MGAT4C: variants seen among roughly 807,000 people sequenced by gnomAD.
MGAT4C encodes alpha-1,3-mannosyl-glycoprotein 4-beta-N-acetylglucosaminyltransferase C.
A neutral mutation model predicts 40.1 loss-of-function variants in MGAT4C; 19 were observed. The ratio of observed to expected loss-of-function variants is 0.47; its 90% CI spans 0.33 to 0.70. The LOEUF (loss-of-function observed/expected upper bound fraction) is 0.70, where lower values mean the gene tolerates loss of function less well. Ranked by LOEUF, MGAT4C falls within the 30% of genes least tolerant of loss-of-function variation. The pLI, the probability that MGAT4C is intolerant of heterozygous loss-of-function variation, is 0.02. For synonymous variants in MGAT4C, 181 were observed against 187.1 expected (o/e 0.97, Z 0.27); for missense variants, 491 against 563.2 (o/e 0.87, Z 1.30).
intron 2 of MGAT4C, among the ~76,000 whole-genome samples, chr12:86,542,117 T>G (rs1959171289): frequency 6.6e-6 from 1 of 152,152 alleles, no homozygotes; most frequent in Admixed American, 6.6e-5. Flanking sequence ...ATGTTACACA[T>G]GAAAACTTGT....
At chr12:86,765,965 A>T (rs1951499673) in intron 1 of MGAT4C, among the ~76,000 whole-genome samples, 1 of 152,188 alleles carries the variant, frequency 6.6e-6, no homozygotes. Context: ...TCAACTAATG[A>T]GTAAAATAAC....
chr12:86,170,334 C>T (rs1233021452), intron 1 of MGAT4C, among the ~76,000 whole-genome samples: 1 of 152,132 alleles, frequency 6.6e-6, no homozygotes, highest in Non-Finnish European at 1.5e-5. Flanking sequence ...AGGATCATGT[C>T]ATTTGAAACT....
chr12:86,087,359 G>A (rs752374344), intron 1 of MGAT4C, among the ~76,000 whole-genome samples: 1 of 151,376 alleles, frequency 6.6e-6, no homozygotes, highest in African/African-American at 2.4e-5. Flanking sequence ...AATATTCTTG[G>A]ATTTCTTTAT....
chr12:86,131,203 A>T (rs965179498), intron 1 of MGAT4C, among the ~76,000 whole-genome samples: 1 of 152,082 alleles, frequency 6.6e-6, no homozygotes, highest in Non-Finnish European at 1.5e-5. Context: ...AATAATATCT[A>T]TCTCTTAGTC....
At chr12:86,112,229 T>C (rs1367516459) in intron 1 of MGAT4C, among the ~76,000 whole-genome samples, 1 of 151,808 alleles carries the variant, frequency 6.6e-6, no homozygotes, top group Non-Finnish European at 1.5e-5. Context: ...CTATCACCTT[T>C]AGAGGGTGGA....
chr12:86,185,051 C>T (rs986485827), intron 1 of MGAT4C, among the ~76,000 whole-genome samples: 3 of 152,136 alleles, frequency 2.0e-5, no homozygotes, highest in African/African-American at 7.2e-5. Flanking sequence ...GCCAGCTTCC[C>T]CTGCTCAGCT....
intron 2 of MGAT4C, among the ~76,000 whole-genome samples, chr12:86,683,900 A>C (rs1950026271): frequency 6.6e-6 from 1 of 152,202 alleles, no homozygotes; most frequent in East Asian, 1.9e-4. Flanking sequence ...TCTAATTTCA[A>C]CATGCTCTTG....
At chr12:86,162,614 C>T (rs1208404360) in intron 1 of MGAT4C, among the ~76,000 whole-genome samples, 1 of 152,084 alleles carries the variant, frequency 6.6e-6, no homozygotes, top group South Asian at 2.1e-4. Context: ...CAAATCTATA[C>T]ATGTACTCCC....
chr12:86,224,806 G>T (rs1335835501), intron 1 of MGAT4C, among the ~76,000 whole-genome samples: 1 of 152,134 alleles, frequency 6.6e-6, no homozygotes, highest in Non-Finnish European at 1.5e-5. Context: ...AGAGGAAAGT[G>T]TATAGCAATA....
chr12:86,326,999 T>A (rs930680721), intron 4 of MGAT4C, among the ~76,000 whole-genome samples: 6 of 152,110 alleles, frequency 3.9e-5, no homozygotes, highest in Non-Finnish European at 8.8e-5. Flanking sequence ...AGATGGCTCA[T>A]CCACCCTTTC....
rs970231468 is a variant in MGAT4C, at chr12:85,978,639, C to T, written c.*650G>A. The T allele has an allele frequency of 6.6e-6, 1 of 151,238 alleles. No individual in the cohort carries two copies. The highest frequency in any genetic ancestry group is 2.4e-5 in the African/African-American group (1 of 41,124). 9.4% of individuals were successfully genotyped at this position (151,238 alleles called of 1,614,324 possible). On this transcript the variant is annotated 3_prime_UTR_variant, in exon 5 of 5. Coordinates refer to ENST00000611864, the MANE Select transcript of MGAT4C (RefSeq NM_001351288.2). ...CTGCTTCCCCCAGAAAATTTATCAA[C>T]AATAGGTGCTCAATTAAATGTTTTT... is the stretch of plus-strand genomic sequence containing the variant.
Position 86,558,173 on chromosome 12 carries a change from T to G in MGAT4C, c.-228-122908A>C, listed in dbSNP as rs1468465608. Among the ~76,000 whole-genome samples the G allele has an allele frequency of 2.0e-5, 3 of 151,014 alleles. No individual in the cohort carries two copies. In the South Asian group the frequency reaches 6.3e-4, roughly 32 times the overall value. On this transcript the variant is annotated intron_variant, in intron 2 of 7. Coordinates refer to the MGAT4C transcript ENST00000548651. Reference sequence around the variant, plus strand: ...AATAACACCATCAGACAAAAGAAAATAAAAGAAAGATGAAGCCTGCTTATA... The same window carrying G: ...AATAACACCATCAGACAAAAGAAAAGAAAAGAAAGATGAAGCCTGCTTATA...
At chr12:86,161,706 G>A (rs566830776) in intron 1 of MGAT4C, among the ~76,000 whole-genome samples, 22 of 152,186 alleles carry the variant, frequency 1.4e-4, no homozygotes, top group Admixed American at 1.0e-3. Context: ...ACTATCAACA[G>A]AGCAAACAGA....
chr12:86,576,033 G>A (rs1439420857), intron 2 of MGAT4C, among the ~76,000 whole-genome samples: 1 of 152,066 alleles, frequency 6.6e-6, no homozygotes, highest in African/African-American at 2.4e-5. Flanking sequence ...TAACTGGGAT[G>A]AGATGATATC....
intron 1 of MGAT4C, among the ~76,000 whole-genome samples, chr12:86,201,048 G>C (rs147236534): frequency 6.6e-6 from 1 of 152,136 alleles, no homozygotes; most frequent in Non-Finnish European, 1.5e-5. Context: ...ATAAATTTCT[G>C]TTGTTTGAAA....
chr12:86,524,133 G>A (rs1958840699), intron 2 of MGAT4C, among the ~76,000 whole-genome samples: 1 of 152,156 alleles, frequency 6.6e-6, no homozygotes, highest in African/African-American at 2.4e-5. Context: ...CTGTCATCAT[G>A]ATGTTGGCTG....
At chr12:86,058,718 T>C (rs2136994299) in intron 1 of MGAT4C, among the ~76,000 whole-genome samples, 2 of 152,268 alleles carry the variant, frequency 1.3e-5, no homozygotes. Context: ...CTCTCTTTTG[T>C]TGACATGGTG....
intron 1 of MGAT4C, among the ~76,000 whole-genome samples, chr12:86,102,751 T>C (rs116436849): frequency 3.6e-3 from 544 of 152,282 alleles, no homozygotes; most frequent in African/African-American, 0.013. Context: ...AATCAATCTT[T>C]ACAAAACAGT....
intron 1 of MGAT4C, among the ~76,000 whole-genome samples, chr12:86,793,227 G>A (rs1308231924): frequency 1.3e-5 from 2 of 151,638 alleles, no homozygotes; most frequent in African/African-American, 2.4e-5. Context: ...TTCTTGCTTC[G>A]TGCTATTAAA....
Sources: allele counts gnomAD v4.1 joint callset (sites outside exome capture counted in the v4.1 genomes callset), GRCh38; gene constraint gnomAD v4.1.1; transcripts MANE v1.5; gene names NCBI Gene and HGNC (gene_info 2026-07-23, HGNC 2026-07-21).